The following MME variants were observed in gnomAD, a reference collection of about 807,000 sequenced individuals.
MME encodes neprilysin.
A neutral mutation model predicts 113.2 loss-of-function variants in MME; 98 were observed. That is an observed-to-expected ratio of 0.87 (90% CI 0.74 to 1.02). MME has a LOEUF of 1.02. Ranked by LOEUF, MME falls within the 50% of genes least tolerant of loss-of-function variation. MME has a pLI of 0.00. For missense variants in MME, 836 were observed against 896.0 expected (o/e 0.93, Z 0.86); for synonymous variants, 292 against 300.6 (o/e 0.97, Z 0.30).
chr3:155,124,491 C>T (rs1264672894), intron 8 of MME, among the ~76,000 whole-genome samples: 11 of 152,192 alleles, frequency 7.2e-5, no homozygotes, highest in African/African-American at 1.4e-4. Flanking sequence ...GGAGGAGAGA[C>T]GCTCTGCGTT....
At chr3:155,142,420 T>C (rs916053705) in intron 12 of MME, 90 bp downstream of exon 12, 1 of 1,097,006 alleles carries the variant, frequency 9.1e-7, no homozygotes, top group Non-Finnish European at 1.4e-6. Flanking sequence ...TAGGACATGG[T>C]GAACTTTGCA....
chr3:155,126,857 G>C (rs1264809946), intron 8 of MME, among the ~76,000 whole-genome samples: 2 of 151,828 alleles, frequency 1.3e-5, no homozygotes, highest in African/African-American at 4.8e-5. Context: ...AAATTAGCCG[G>C]GCGTGGTTCT....
At chr3:155,179,623 G>A (rs1014098035) in intron 22 of MME, among the ~76,000 whole-genome samples, 16 of 152,260 alleles carry the variant, frequency 1.1e-4, no homozygotes, top group African/African-American at 3.9e-4. Flanking sequence ...AAGGGAAGGA[G>A]GTGGTTCAGG....
intron 12 of MME, among the ~76,000 whole-genome samples, chr3:155,143,077 A>C (rs1366014921): frequency 6.6e-6 from 1 of 152,172 alleles, no homozygotes; most frequent in African/African-American, 2.4e-5. Context: ...AACCTTGAAA[A>C]GCAGTAATGT....
At chr3:155,049,627 ATATCTATCTATCTATCTATCTATCTATC>A (rs56832533) in intron 1 of MME, among the ~76,000 whole-genome samples, 2 of 147,078 alleles carry the variant, frequency 1.4e-5, no homozygotes, top group African/African-American at 2.5e-5. Flanking sequence ...TCATCTTAGT[ATATCTATCTATCTATCTATCTATCTATC>A]TATCTATCTA....
intron 1 of MME, among the ~76,000 whole-genome samples, chr3:155,054,082 A>C (rs1212270255): frequency 6.6e-6 from 1 of 152,162 alleles, no homozygotes; most frequent in Non-Finnish European, 1.5e-5. Flanking sequence ...TGAGAGAATA[A>C]ATTTATGTTG....
chr3:155,039,978 G>A (rs1209958448), intron 1 of MME, among the ~76,000 whole-genome samples: 2 of 151,632 alleles, frequency 1.3e-5, no homozygotes, highest in Non-Finnish European at 2.9e-5. Context: ...AAAAGTCAGG[G>A]GAATATATCC....
chr3:155,047,933 T>C (rs1028181249), intron 1 of MME, among the ~76,000 whole-genome samples: 2 of 152,192 alleles, frequency 1.3e-5, no homozygotes, highest in African/African-American at 4.8e-5. Context: ...CTCATGTATT[T>C]ATGGTTCATG....
rs375683918 is a variant in MME, at chr3:155,099,719, G to C, written c.196+14625G>C. 5.9e-5 allele frequency among the ~76,000 whole-genome samples: 9 copies of C among 152,298 alleles called. 1 individual carries two copies. The South Asian group carries it at 1.9e-3, about 32-fold the overall frequency. On this transcript the variant is annotated intron_variant, in intron 3 of 22. Transcript: ENST00000360490. ...CCAGCTTCATCCATGTCCCTACAAAGGACATGAACTCATCCTTTTTATGGC... is the reference window on the plus strand; with the variant it reads ...CCAGCTTCATCCATGTCCCTACAAACGACATGAACTCATCCTTTTTATGGC...
chr3:155,109,840 CT>C (rs942590309), intron 3 of MME, among the ~76,000 whole-genome samples: 1 of 152,210 alleles, frequency 6.6e-6, no homozygotes, highest in Admixed American at 6.5e-5. Flanking sequence ...ATTTTTCACA[CT>C]CCATTTTCCA....
At chr3:155,077,579 C>A (rs1243012500), upstream of MME, among the ~76,000 whole-genome samples, 1 of 152,042 alleles carries the variant, frequency 6.6e-6, no homozygotes, top group Non-Finnish European at 1.5e-5. Flanking sequence ...AGTTTCTAAT[C>A]AACTTTAATG....
intron 3 of MME, among the ~76,000 whole-genome samples, chr3:155,103,824 C>G (rs1233435214): frequency 6.6e-6 from 1 of 152,220 alleles, no homozygotes; most frequent in East Asian, 1.9e-4. Flanking sequence ...TAAAACTCCT[C>G]TGTCCCTGCT....
intron 2 of MME, 125 bp downstream of exon 2, chr3:155,084,452 C>A: frequency 1.0e-6 from 1 of 954,592 alleles, no homozygotes. Context: ...CAAAGAGATT[C>A]ATTTATAAAA....
intron 3 of MME, among the ~76,000 whole-genome samples, chr3:155,109,768 T>C (rs181336549): frequency 8.5e-5 from 13 of 152,320 alleles, no homozygotes; most frequent in Admixed American, 7.8e-4. Flanking sequence ...CTAAAAGGCT[T>C]CTCAGATGAT....
rs1245731939 is a variant in MME, at chr3:155,142,022, T to A, written c.989T>A (p.Ile330Asn). 6.2e-7 allele frequency: 1 copy of A among 1,613,560 alleles called. No homozygotes were observed. The highest frequency in any genetic ancestry group is 1.3e-5 in the African/African-American group (1 of 74,878). Residue 330 changes from isoleucine to asparagine, a missense_variant, in exon 11 of 23, where the codon ATC becomes AAC. Ile to Asn is a moderately radical substitution (Grantham distance 149). Coordinates refer to ENST00000360490, the MANE Select transcript of MME (RefSeq NM_007289.4). Reference sequence around the variant, plus strand: ...AGCTGGTTGAATTTCACAAATGAAATCATGTCAACTGTGAATATTAGTATT... The same window carrying A: ...AGCTGGTTGAATTTCACAAATGAAAACATGTCAACTGTGAATATTAGTATT... Reference protein sequence around the residue: ...PFSWLNFTNEIMSTVNISITN... With the variant: ...PFSWLNFTNENMSTVNISITN...
intron 17 of MME, among the ~76,000 whole-genome samples, chr3:155,162,613 C>T (rs2108354767): frequency 6.6e-6 from 1 of 152,176 alleles, no homozygotes; most frequent in East Asian, 1.9e-4. Flanking sequence ...AAGGGAAATC[C>T]TTGAAATGTA....
chr3:155,118,712 A>T, intron 7 of MME, 34 bp from the exon 8 acceptor site: 1 of 1,361,442 alleles, frequency 7.3e-7, no homozygotes, highest in Non-Finnish European at 1.0e-6. Context: ...TATTCACTGA[A>T]TGATTTATTT....
At chr3:155,081,881 A>C (rs949325034) in intron 1 of MME, 1 of 152,142 alleles carries the variant, frequency 6.6e-6, no homozygotes, top group Non-Finnish European at 1.5e-5. Context: ...TACTAAGAGC[A>C]AAAGACTTCC....
chr3:155,055,543 G>A (rs182399325), intron 1 of MME, among the ~76,000 whole-genome samples: 55 of 151,988 alleles, frequency 3.6e-4, no homozygotes, highest in African/African-American at 1.2e-3. Context: ...ATTGCAGTGA[G>A]TCCAGATCAT....
Sources: gnomAD v4.1 joint callset for allele counts (sites outside exome capture counted in the v4.1 genomes callset) on GRCh38, gnomAD v4.1.1 for gene constraint, MANE v1.5 for transcripts, NCBI Gene and HGNC (gene_info 2026-07-23, HGNC 2026-07-21) for gene names.